Variants in CYSLTR2 observed in about 807,000 individuals in gnomAD.
The protein encoded by CYSLTR2 is G-protein coupled receptor GPCR21.
For missense variants in CYSLTR2, 398 were observed against 411.9 expected, an observed-to-expected ratio of 0.97 and a Z score of 0.29; for synonymous variants, 179 against 160.8, an observed-to-expected ratio of 1.11 and a Z score of -0.86.
intron 3 of CYSLTR2, among the ~76,000 whole-genome samples, chr13:48,695,291 CT>C (rs1954148715): frequency 6.8e-6 from 1 of 147,318 alleles, no homozygotes; most frequent in Non-Finnish European, 1.5e-5. Flanking sequence ...TTCTTTCCTT[CT>C]TCTCTTTCTT....
chr13:48,658,396 T>C (rs1953049712), intron 1 of CYSLTR2, among the ~76,000 whole-genome samples: 2 of 152,196 alleles, frequency 1.3e-5, no homozygotes, highest in African/African-American at 2.4e-5. Flanking sequence ...AAGATATTAA[T>C]TGTAAGGCAT....
intron 1 of CYSLTR2, among the ~76,000 whole-genome samples, chr13:48,685,933 A>C (rs1340167765): frequency 2.6e-5 from 4 of 152,132 alleles, no homozygotes; most frequent in African/African-American, 9.7e-5. Context: ...CCTCATAGAA[A>C]CTTCAAAATG....
chr13:48,710,260 AG>A lies in CYSLTR2; in HGVS notation c.*2403del, dbSNP rs1954603421. ...AAGTTTTAAAACATGTGCTGTTTTG[AG>A]TAGCATGTTGAAATCTCGCACTATC... On this transcript the variant is annotated 3_prime_UTR_variant, in exon 5 of 5. Transcript: ENST00000682523. The A allele has an allele frequency of 6.6e-6, 1 of 152,208 alleles. No homozygotes were observed. The allele number at this position is 152,208 out of a possible 1,614,324, so 9.4% of individuals were successfully genotyped here.
At chr13:48,691,636 G>A (rs1255247610) in intron 2 of CYSLTR2, among the ~76,000 whole-genome samples, 1 of 152,050 alleles carries the variant, frequency 6.6e-6, no homozygotes, top group Non-Finnish European at 1.5e-5. Flanking sequence ...TGAGTCCCAT[G>A]TCATTGAGTC....
chr13:48,657,787 A>T (rs1490260370), intron 1 of CYSLTR2, among the ~76,000 whole-genome samples: 4 of 151,032 alleles, frequency 2.6e-5, no homozygotes, highest in Non-Finnish European at 4.4e-5. Context: ...GGCATCCTAG[A>T]TTCTTTTTTC....
intron 1 of CYSLTR2, among the ~76,000 whole-genome samples, chr13:48,676,038 A>G (rs925947628): frequency 6.6e-6 from 1 of 151,962 alleles, no homozygotes; most frequent in African/African-American, 2.4e-5. Context: ...TGCAGAAATC[A>G]CCCACTTTCT....
rs1025351022 is a variant in CYSLTR2 at position 48,710,822 on chromosome 13, G to A, written c.*2964G>A. 5.3e-5 allele frequency: 8 copies of A among 152,184 alleles called. No homozygotes were observed. The highest frequency in any genetic ancestry group is 1.9e-4 in the African/African-American group (8 of 41,454). The allele number at this position is 152,184 out of a possible 1,614,324, so 9.4% of individuals were successfully genotyped here. A position where few individuals can be genotyped will look rare whatever the true frequency, so the allele number is the denominator to read the frequency against. On this transcript the variant is annotated 3_prime_UTR_variant, in exon 5 of 5. Transcript: ENST00000682523. ...TCGGGTTTGGTACTATTTGGGTTTGGTGCTATTCGTATTCAGGGTCTTGGA... is the reference window on the plus strand; with the variant it reads ...TCGGGTTTGGTACTATTTGGGTTTGATGCTATTCGTATTCAGGGTCTTGGA...
At chr13:48,691,748 G>A (rs867227259) in intron 2 of CYSLTR2, among the ~76,000 whole-genome samples, 5 of 152,030 alleles carry the variant, frequency 3.3e-5, no homozygotes, top group African/African-American at 4.8e-5. Context: ...AGTTATTACA[G>A]TAATCTTTGT....
intron 1 of CYSLTR2, among the ~76,000 whole-genome samples, chr13:48,662,813 G>A (rs1282722714): frequency 6.6e-6 from 1 of 152,118 alleles, no homozygotes; most frequent in Non-Finnish European, 1.5e-5. Context: ...TTTTCACTCT[G>A]TTGATTGCTT....
At chr13:48,654,615 C>G (rs988947162) in intron 1 of CYSLTR2, among the ~76,000 whole-genome samples, 5 of 152,030 alleles carry the variant, frequency 3.3e-5, no homozygotes, top group Admixed American at 3.3e-4. Flanking sequence ...ACATATATTT[C>G]AATGGTTTTG....
chr13:48,707,455 C>T lies in CYSLTR2; in HGVS notation c.638C>T (p.Pro213Leu), dbSNP rs1176353682. The T allele has an allele frequency of 6.2e-7, 1 of 1,613,842 alleles. No individual in the cohort carries two copies. The highest frequency in any genetic ancestry group is 1.3e-5 in the African/African-American group (1 of 74,916). The change falls in exon 5 of 5, where the codon CCA (proline) becomes CTA (leucine). Residue 213 changes from proline (P) to leucine (L), a missense_variant. By Grantham distance (98) the Pro-to-Leu change is moderately conservative. Transcript: ENST00000682523. ...YIALVVGCLL[P>L]FFTLSICYLL... ...GCCTTGGTGGTGGGCTGCCTGCTGC[C>T]ATTTTTCACACTCAGCATCTGTTAT...
chr13:48,699,167 T>C (rs893866050), intron 4 of CYSLTR2, among the ~76,000 whole-genome samples: 2 of 152,122 alleles, frequency 1.3e-5, no homozygotes, highest in Non-Finnish European at 2.9e-5. Context: ...CTGCGCAAAG[T>C]GAACCTAATA....
intron 1 of CYSLTR2, among the ~76,000 whole-genome samples, chr13:48,672,016 G>A (rs1021539285): frequency 5.9e-5 from 9 of 152,040 alleles, no homozygotes; most frequent in African/African-American, 1.4e-4. Context: ...TCTTGGGAGG[G>A]TGTATGTGTC....
At chr13:48,692,628 A>T (rs1000272819) in intron 2 of CYSLTR2, among the ~76,000 whole-genome samples, 2 of 151,326 alleles carry the variant, frequency 1.3e-5, no homozygotes, top group African/African-American at 4.8e-5. Context: ...GGAAATCAAC[A>T]GGATATTTAT....
intron 1 of CYSLTR2, among the ~76,000 whole-genome samples, chr13:48,664,004 T>C (rs1342797364): frequency 6.6e-6 from 1 of 152,052 alleles, no homozygotes; most frequent in Admixed American, 6.6e-5. Context: ...ACTTTCCTTC[T>C]ATACCTAATT....
chr13:48,684,560 A>G (rs569176183), intron 1 of CYSLTR2, among the ~76,000 whole-genome samples: 1 of 152,144 alleles, frequency 6.6e-6, no homozygotes, highest in African/African-American at 2.4e-5. Context: ...ACAAAGCTGG[A>G]ACAATGAGGG....
At chr13:48,662,163 C>A (rs777408461) in intron 1 of CYSLTR2, among the ~76,000 whole-genome samples, 1 of 152,212 alleles carries the variant, frequency 6.6e-6, no homozygotes, top group Admixed American at 6.5e-5. Flanking sequence ...CATTTCCACC[C>A]TTGTTGCCAC....
At chr13:48,683,435 A>G (rs1361013141) in intron 1 of CYSLTR2, among the ~76,000 whole-genome samples, 3 of 152,126 alleles carry the variant, frequency 2.0e-5, no homozygotes, top group African/African-American at 7.2e-5. Context: ...ACTGGTGTGA[A>G]ATGTTATCTC....
In CYSLTR2 at chr13:48,673,343, G is replaced by A. The variant is rs150042521; in HGVS notation, c.-265-17869G>A. On this transcript the variant is annotated intron_variant, in intron 1 of 4. Transcript: ENST00000682523. ...GTTAGCTATTCTTGTTGCATTGATC[G>A]CTTTATCATTATGTGATTCCCTTCT... is the stretch of plus-strand genomic sequence containing the variant. Among the ~76,000 whole-genome samples, 633 of 150,776 alleles carry A rather than the reference G, an allele frequency of 4.2e-3. 8 individuals carry two copies. The highest frequency in any genetic ancestry group is 0.014 in the African/African-American group (587 of 41,060).
Sources: gnomAD v4.1 joint callset for allele counts (sites outside exome capture counted in the v4.1 genomes callset) on GRCh38, gnomAD v4.1.1 for gene constraint, MANE v1.5 for transcripts, NCBI Gene and HGNC (gene_info 2026-07-23, HGNC 2026-07-21) for gene names.